The following SP2 variants were observed in gnomAD, a reference collection of about 807,000 sequenced individuals.
SP2 encodes transcription factor Sp2.
In SP2, 9 loss-of-function variants were observed where a neutral mutation model predicts 50.1. That is an observed-to-expected ratio of 0.18 (90% CI 0.11 to 0.31). The LOEUF (loss-of-function observed/expected upper bound fraction) is 0.31, where lower values mean the gene tolerates loss of function less well. SP2 is among the 10% of genes least tolerant of loss of function. The pLI, the probability that SP2 is intolerant of heterozygous loss-of-function variation, is 1.00. For missense variants in SP2, 581 were observed against 806.5 expected, an observed-to-expected ratio of 0.72 and a Z score of 3.39; for synonymous variants, 313 against 326.6, an observed-to-expected ratio of 0.96 and a Z score of 0.45.
chr17:47,922,100 C>T (rs1288197443), intron 3 of SP2, among the ~76,000 whole-genome samples: 1 of 152,138 alleles, frequency 6.6e-6, no homozygotes, highest in Non-Finnish European at 1.5e-5. Context: ...TCCATAACTC[C>T]CTTCTGTGAC....
chr17:47,903,350 A>G (rs2034618858), intron 1 of SP2, among the ~76,000 whole-genome samples: 1 of 152,182 alleles, frequency 6.6e-6, no homozygotes, highest in Admixed American at 6.5e-5. Flanking sequence ...TGTGTCCTAG[A>G]GGCCAAGTAA....
intron 3 of SP2, 96 bp downstream of exon 3, chr17:47,917,226 G>T: frequency 7.8e-7 from 1 of 1,286,152 alleles, no homozygotes; most frequent in South Asian, 1.4e-5. Flanking sequence ...AGCTTGATCT[G>T]ACCTTGAGAG....
chr17:47,902,522 T>C (rs1033165121), intron 1 of SP2, among the ~76,000 whole-genome samples: 1 of 151,912 alleles, frequency 6.6e-6, no homozygotes, highest in African/African-American at 2.4e-5. Flanking sequence ...TGGACCTAGG[T>C]GATGACAGAG....
rs75050985 is a variant in SP2, at chr17:47,927,259, C to T, written c.1742-465C>T. 3.2e-3 allele frequency among the ~76,000 whole-genome samples: 487 copies of T among 152,192 alleles called. 1 individual carries two copies. The highest frequency in any genetic ancestry group is 5.0e-3 in the Non-Finnish European group (342 of 67,994). ...GAGATTTAGATGAGTAGGGGCCAAGCATGATGGCTCGTGCCTGTAATCCCA... is the reference window on the plus strand; with the variant it reads ...GAGATTTAGATGAGTAGGGGCCAAGTATGATGGCTCGTGCCTGTAATCCCA... On this transcript the variant is annotated intron_variant, in intron 6 of 6. Coordinates refer to ENST00000376741, the MANE Select transcript of SP2 (RefSeq NM_003110.6).
intron 6 of SP2, among the ~76,000 whole-genome samples, chr17:47,925,904 C>CATTT (rs1567704810): frequency 8.4e-6 from 1 of 119,476 alleles, no homozygotes; most frequent in African/African-American, 3.3e-5. Flanking sequence ...TTTGTTTATG[C>CATTT]CTTTTTTTTT....
At chr17:47,921,568 C>T (rs1405451955) in intron 3 of SP2, among the ~76,000 whole-genome samples, 1 of 152,200 alleles carries the variant, frequency 6.6e-6, no homozygotes, top group Non-Finnish European at 1.5e-5. Flanking sequence ...CTGTTTTATT[C>T]ACTGGGTTAT....
At chr17:47,915,462 C>A in intron 2 of SP2, 74 bp downstream of exon 2, 1 of 906,404 alleles carries the variant, frequency 1.1e-6, no homozygotes, top group Non-Finnish European at 1.7e-6. Context: ...ACTCTCTCTT[C>A]ACTGTCTCAC....
intron 6 of SP2, among the ~76,000 whole-genome samples, chr17:47,927,216 GAA>G (rs1350010432): frequency 6.6e-6 from 1 of 152,092 alleles, no homozygotes; most frequent in African/African-American, 2.4e-5. Context: ...GGGTCAGAGA[GAA>G]ATGAGAATTG....
At chr17:47,911,071 T>TA (rs1171952458) in intron 1 of SP2, among the ~76,000 whole-genome samples, 1 of 150,770 alleles carries the variant, frequency 6.6e-6, no homozygotes, top group African/African-American at 2.4e-5. Context: ...AGAAAATACA[T>TA]AAAAATTAGC....
chr17:47,916,560 C>G lies in SP2; in HGVS notation c.489C>G (p.Asn163Lys). 2 of 1,614,168 alleles carry G rather than the reference C, an allele frequency of 1.2e-6. No homozygotes were observed. The highest frequency in any genetic ancestry group is 4.5e-5 in the East Asian group (2 of 44,886). Residue 163 changes from asparagine to lysine, a missense_variant, in exon 3 of 7, where the codon AAC (asparagine) becomes AAG (lysine). Around this residue, in one of 2 missense-constraint regions of SP2, gnomAD observed 397 missense variants for 491.0 expected, o/e 0.81. Coordinates refer to ENST00000376741, the MANE Select transcript of SP2 (RefSeq NM_003110.6). The surrounding 1 kb of genome is among the most constrained non-coding windows in gnomAD (Gnocchi z 4.7). ...AGATCCAGATCATCCCTGGCACCAACCAAGCCATCATCACCCCCTCACCGT... is the reference window on the plus strand; with the variant it reads ...AGATCCAGATCATCCCTGGCACCAAGCAAGCCATCATCACCCCCTCACCGT... ...TNQIQIIPGT[N>K]QAIITPSPSS...
chr17:47,921,899 A>G (rs1363351497), intron 3 of SP2, among the ~76,000 whole-genome samples: 1 of 152,238 alleles, frequency 6.6e-6, no homozygotes, highest in African/African-American at 2.4e-5. Flanking sequence ...ATAAATAGAC[A>G]TACCTATGCA....
chr17:47,908,121 A>G (rs2034837463), intron 1 of SP2, among the ~76,000 whole-genome samples: 1 of 152,170 alleles, frequency 6.6e-6, no homozygotes, highest in Non-Finnish European at 1.5e-5. Context: ...AAATGAAACC[A>G]AGCTGAAATG....
Position 47,905,841 on chromosome 17 carries a change from TC to T in SP2, c.8-9470del, listed in dbSNP as rs745926490. On this transcript the variant is annotated intron_variant, in intron 1 of 6. Coordinates refer to ENST00000376741, the MANE Select transcript of SP2 (RefSeq NM_003110.6). ...TCGCTGAGTGAGAGTATAAATGAGCTCTAAAGGACAGGAGCTGGCCGGGCAA... is the reference window on the plus strand; with the variant it reads ...TCGCTGAGTGAGAGTATAAATGAGCTTAAAGGACAGGAGCTGGCCGGGCAA... 9.9e-5 allele frequency among the ~76,000 whole-genome samples: 15 copies of T among 152,226 alleles called. No homozygotes were observed. In the East Asian group the frequency reaches 2.1e-3, roughly 22 times the overall value.
At chr17:47,921,527 C>T (rs1247696882) in intron 3 of SP2, among the ~76,000 whole-genome samples, 3 of 152,254 alleles carry the variant, frequency 2.0e-5, no homozygotes, top group Non-Finnish European at 4.4e-5. Context: ...GCTGGGATTA[C>T]AGGCGTGAAC....
intron 6 of SP2, 71 bp downstream of exon 6, chr17:47,925,612 T>C: frequency 7.9e-7 from 1 of 1,264,910 alleles, no homozygotes. Context: ...ACCCCCACTC[T>C]ACCGGCTTTA....
At chr17:47,903,031 C>T (rs1299711167) in intron 1 of SP2, among the ~76,000 whole-genome samples, 2 of 152,220 alleles carry the variant, frequency 1.3e-5, no homozygotes, top group Non-Finnish European at 2.9e-5. Flanking sequence ...GCTGGGATTA[C>T]AGGCGTGAGC....
chr17:47,918,075 T>G (rs927671611), intron 3 of SP2, among the ~76,000 whole-genome samples: 2 of 152,070 alleles, frequency 1.3e-5, no homozygotes, highest in Non-Finnish European at 2.9e-5. Context: ...TTGACTCTTG[T>G]GTCTTATGTG....
chr17:47,916,391 G>C lies in SP2; in HGVS notation c.320G>C (p.Gly107Ala). Residue 107 changes from glycine to alanine, a missense_variant, in exon 3 of 7, where the codon GGA (glycine) becomes GCA (alanine). Transcript: ENST00000376741. This position sits in a 1 kb window ranked among gnomAD's most constrained non-coding sequence, Gnocchi z 4.7. ...QGSQLSASYP[G>A]GQLVFAIQNP... ...TCACAACTGAGCGCCTCCTATCCTG[G>C]AGGGCAGCTGGTGTTCGCTATCCAG... 6.2e-7 allele frequency: 1 copy of C among 1,614,070 alleles called. No individual in the cohort carries two copies. The highest frequency in any genetic ancestry group is 8.5e-7 in the Non-Finnish European group (1 of 1,179,988).
chr17:47,925,948 G>A (rs964620208), intron 6 of SP2, among the ~76,000 whole-genome samples: 3 of 90,302 alleles, frequency 3.3e-5, no homozygotes, highest in East Asian at 3.8e-4. Flanking sequence ...ATGGAGTTTC[G>A]TTCTTTTGCC....
Sources: gnomAD v4.1 joint callset for allele counts (sites outside exome capture counted in the v4.1 genomes callset) on GRCh38, gnomAD v4.1.1 for gene constraint, gnomAD v4.1.1 regional missense constraint, Gnocchi (gnomAD v3.1) non-coding constraint, MANE v1.5 for transcripts, NCBI Gene and HGNC (gene_info 2026-07-23, HGNC 2026-07-21) for gene names.